The following CAMK1 variants were observed in gnomAD, a reference collection of about 807,000 sequenced individuals.
CAMK1 encodes the protein calcium/calmodulin dependent protein kinase I, also known as calcium/calmodulin-dependent protein kinase type 1.
A neutral mutation model predicts 49.1 loss-of-function variants in CAMK1; 39 were observed. That is an observed-to-expected ratio of 0.79 (90% confidence interval 0.62 to 1.04). The LOEUF is 1.04. Among genes scored for constraint, CAMK1 ranks in the 50% least tolerant of loss-of-function variants. The pLI, the probability that CAMK1 is intolerant of heterozygous loss-of-function variation, is 0.00. For missense variants in CAMK1, 457 were observed against 472.2 expected (o/e 0.97, Z 0.30); for synonymous variants, 192 against 185.2 (o/e 1.04, Z -0.30).
At chr3:9,760,344 G>A (rs975981546) in intron 8 of CAMK1, 2 of 287,008 alleles carry the variant, frequency 7.0e-6, no homozygotes, top group African/African-American at 4.4e-5. Context: ...TCTTAATAGG[G>A]GGCACAAAAG....
At chr3:9,759,444 G>T (rs760975814) in intron 10 of CAMK1, 44 bp downstream of exon 10, 2 of 1,613,070 alleles carry the variant, frequency 1.2e-6, no homozygotes, top group Non-Finnish European at 1.7e-6. Flanking sequence ...GGATGGGGAG[G>T]AGTCCTGGGG....
chr3:9,757,650 C>T lies in CAMK1; in HGVS notation c.1031-29G>A, dbSNP rs528036291. ...CATGGGAAGACAGAACAGAGGTGGC[C>T]GCAGGGGCAGGCCCTCCACTCCAGC... is the stretch of plus-strand genomic sequence containing the variant. On this transcript the variant is annotated intron_variant, in intron 11 of 11. Transcript: ENST00000256460. The surrounding 1 kb of genome is among the most constrained non-coding windows in gnomAD (Gnocchi z 4.5). The T allele has an allele frequency of 1.3e-5, 21 of 1,613,960 alleles. No individual in the cohort carries two copies. The highest frequency in any genetic ancestry group is 5.3e-5 in the African/African-American group (4 of 74,914).
At chr3:9,766,044 G>C (rs1308713538) in intron 2 of CAMK1, 154 bp from the exon 3 acceptor site, 1 of 1,603,816 alleles carries the variant, frequency 6.2e-7, no homozygotes, top group Admixed American at 1.7e-5. Flanking sequence ...TCCAGAGATG[G>C]TCACATGACC....
chr3:9,760,457 A>G (rs2077801292), intron 8 of CAMK1, 199 bp downstream of exon 8: 1 of 544,004 alleles, frequency 1.8e-6, no homozygotes, highest in Non-Finnish European at 3.3e-6. Flanking sequence ...ATGAATGCCT[A>G]GTTTCTCACT....
intron 3 of CAMK1, among the ~76,000 whole-genome samples, chr3:9,765,096 A>G (rs2078089089): frequency 6.6e-6 from 1 of 151,652 alleles, no homozygotes. Context: ...GCGTGGTGGC[A>G]GGTGCCTGTA....
intron 8 of CAMK1, 62 bp downstream of exon 8, chr3:9,760,594 C>A (rs2077810310): frequency 1.3e-6 from 2 of 1,572,028 alleles, no homozygotes; most frequent in Non-Finnish European, 1.7e-6. Context: ...AGACCGCCCC[C>A]AAAGCAGGTG....
In CAMK1 at chr3:9,760,736, T is replaced by C; in HGVS notation, c.665A>G (p.Asn222Ser). 1 of 1,614,054 alleles carries C rather than the reference T, an allele frequency of 6.2e-7. No homozygotes were observed. The highest frequency in any genetic ancestry group is 8.5e-7 in the Non-Finnish European group (1 of 1,179,950). ...AATCTGTTCAAAGAGTTTGGCATCA[T>C]TCTCGTCATAGAAGGGAGGGTAACC... ...LCGYPPFYDE[N>S]DAKLFEQILK... is the part of the protein sequence containing the mutation. Residue 222 changes from asparagine to serine, a missense_variant, in exon 8 of 12, where the codon AAT becomes AGT. Physicochemically the swap from Asn to Ser is conservative, Grantham distance 46. Transcript: ENST00000256460.
At chr3:9,762,595 C>T (rs1315533905) in intron 5 of CAMK1, among the ~76,000 whole-genome samples, 1 of 151,902 alleles carries the variant, frequency 6.6e-6, no homozygotes, top group Non-Finnish European at 1.5e-5. Flanking sequence ...CTCGAACTGA[C>T]CTCAGGTGAT....
rs1479168029 is a variant in CAMK1 at position 9,761,445 on chromosome 3, G to A, written c.632+16C>T. ...AACTCTGGAGCCACAGCCTACCATG[G>A]CCAAGCCCCACTTACAAGATGTAGG... On this transcript the variant is annotated intron_variant, in intron 7 of 11. Transcript: ENST00000256460. The A allele has an allele frequency of 3.7e-6, 6 of 1,604,282 alleles. No homozygotes were observed. In the Admixed American group the frequency reaches 1.0e-4, roughly 27 times the overall value.
chr3:9,763,415 A>C (rs1196357287), intron 3 of CAMK1: 27 of 199,498 alleles, frequency 1.4e-4, no homozygotes, highest in Non-Finnish European at 1.7e-4. Flanking sequence ...AAAAAAAAAA[A>C]AAAAAAACAG....
At chr3:9,762,003 A>G in intron 5 of CAMK1, 1 of 435,606 alleles carries the variant, frequency 2.3e-6, no homozygotes, top group Non-Finnish European at 4.1e-6. Context: ...CCCTAAAGGA[A>G]TGTTTGAATG....
In CAMK1 at chr3:9,761,626, C is replaced by T. The variant is rs370403231; in HGVS notation, c.556+5G>A. On this transcript the variant is annotated splice_donor_5th_base_variant and intron_variant, in intron 6 of 11. Coordinates refer to ENST00000256460, the MANE Select transcript of CAMK1 (RefSeq NM_003656.5). ...ATCACAGCCCCAGCCCAGGGCCCTC[C>T]GCACCCACGTATCCCGGAGTTCCAC... 15 of 1,614,008 alleles carry T rather than the reference C, an allele frequency of 9.3e-6. No individual in the cohort carries two copies. The highest frequency in any genetic ancestry group is 1.7e-5 in the Admixed American group (1 of 60,002).
intron 3 of CAMK1, among the ~76,000 whole-genome samples, chr3:9,764,355 C>T (rs1351746618): frequency 6.6e-6 from 1 of 152,114 alleles, no homozygotes; most frequent in Non-Finnish European, 1.5e-5. Context: ...GAGTGTTGCC[C>T]AGGCTGGAGT....
chr3:9,762,484 C>G (rs973973529), intron 5 of CAMK1, among the ~76,000 whole-genome samples: 2 of 152,172 alleles, frequency 1.3e-5, no homozygotes, highest in Admixed American at 1.3e-4. Flanking sequence ...CCAAGTGATT[C>G]GCCTGCCTCA....
intron 10 of CAMK1, chr3:9,758,090 A>G: frequency 2.0e-6 from 1 of 492,670 alleles, no homozygotes; most frequent in South Asian, 3.1e-5. Context: ...ACTATAATTC[A>G]TATTAATATG....
intron 1 of CAMK1, among the ~76,000 whole-genome samples, chr3:9,769,431 C>G (rs1283905770): frequency 6.6e-6 from 1 of 152,114 alleles, no homozygotes; most frequent in East Asian, 1.9e-4. Context: ...AGCCAAATAC[C>G]AGCACACAAA....
chr3:9,758,909 C>T, intron 10 of CAMK1: 1 of 403,298 alleles, frequency 2.5e-6, no homozygotes, highest in South Asian at 2.1e-5. Context: ...GGATTACAGG[C>T]GTGAGCCACC....
At chr3:9,766,938 C>T (rs2078171613) in intron 2 of CAMK1, among the ~76,000 whole-genome samples, 1 of 152,152 alleles carries the variant, frequency 6.6e-6, no homozygotes, top group South Asian at 2.1e-4. Flanking sequence ...CCTGGCCTGG[C>T]TTCCAAAACC....
rs2077969470 is a variant in CAMK1, at chr3:9,763,144, C to T, written c.285G>A (p.Met95Ile). Reference protein sequence around the residue: ...YESGGHLYLIMQLVSGGELFD... With the variant: ...YESGGHLYLIIQLVSGGELFD... ...GCAGAGGTTGGGCCACTCACAGCTG[C>T]ATGATGAGGTAGAGGTGGCCCCCAC... Residue 95 changes from methionine to isoleucine, a missense_variant, in exon 4 of 12, where the codon ATG becomes ATA. Transcript: ENST00000256460. 3 of 1,614,078 alleles carry T rather than the reference C, an allele frequency of 1.9e-6. No individual in the cohort carries two copies. The highest frequency in any genetic ancestry group is 2.5e-6 in the Non-Finnish European group (3 of 1,180,024).
Sources: gnomAD v4.1 joint callset for allele counts (sites outside exome capture counted in the v4.1 genomes callset) on GRCh38, gnomAD v4.1.1 for gene constraint, Gnocchi (gnomAD v3.1) non-coding constraint, MANE v1.5 for transcripts, NCBI Gene and HGNC (gene_info 2026-07-23, HGNC 2026-07-21) for gene names.